The following PCDHGB7 variants were observed in gnomAD, a reference collection of about 807,000 sequenced individuals.
PCDHGB7 encodes protocadherin gamma subfamily B, 7.
Under a neutral mutation model 61.4 loss-of-function variants are expected in PCDHGB7, and 37 were observed. The ratio of observed to expected loss-of-function variants is 0.60; its 90% CI spans 0.46 to 0.79. PCDHGB7 has a LOEUF of 0.79. Ranked by LOEUF, PCDHGB7 falls within the 30% of genes least tolerant of loss-of-function variation. The pLI, the probability that PCDHGB7 is intolerant of heterozygous loss-of-function variation, is 0.00. For synonymous variants in PCDHGB7, 464 were observed against 503.5 expected, an observed-to-expected ratio of 0.92 and a Z score of 1.05; for missense variants, 1,166 against 1,202.5, an observed-to-expected ratio of 0.97 and a Z score of 0.45.
chr5:141,432,934 G>A lies in PCDHGB7; in HGVS notation c.2415+12660G>A. The stretch of plus-strand genomic sequence containing the variant: ...GGCGCTGGCACAAGTCACGCCTGCT[G>A]CAGGCTTCAGGAGGCGGCTTGACAG... On this transcript the variant is annotated intron_variant, in intron 1 of 3. Transcript: ENST00000398594. This position sits in a 1 kb window ranked among gnomAD's most constrained non-coding sequence, Gnocchi z 6.0. 1.9e-6 allele frequency: 3 copies of A among 1,614,196 alleles called. No individual in the cohort carries two copies. Among genetic ancestry groups the A allele is most frequent in the Non-Finnish European group, 2.5e-6 (3 of 1,180,040 alleles).
At chr5:141,502,404 C>A (rs1270930372) in intron 2 of PCDHGB7, among the ~76,000 whole-genome samples, 1 of 151,880 alleles carries the variant, frequency 6.6e-6, no homozygotes, top group Non-Finnish European at 1.5e-5. Flanking sequence ...TGTCCCCGAA[C>A]CTGGATTTGC....
At chr5:141,449,588 CAAAA>C (rs768743917) in intron 1 of PCDHGB7, among the ~76,000 whole-genome samples, 2 of 57,488 alleles carry the variant, frequency 3.5e-5, no homozygotes, top group Non-Finnish European at 3.7e-5. Flanking sequence ...GACTCTGTCT[CAAAA>C]AAAAAAAAAA....
At position 141,487,505 on chromosome 5, in the gene PCDHGB7, G is replaced by GTA; in HGVS notation, c.2416-7302_2416-7301insTA. The GTA allele has an allele frequency of 1.2e-6, 2 of 1,614,200 alleles. No homozygotes were observed. The highest frequency in any genetic ancestry group is 1.7e-6 in the Non-Finnish European group (2 of 1,180,032). ...TCATGGCTGTACACCCTTGGCTTCTGCACCCACTCGGAGTGATAGCTTCAT... is the reference window on the plus strand; with the variant it reads ...TCATGGCTGTACACCCTTGGCTTCTGTACACCCACTCGGAGTGATAGCTTCAT... On this transcript the variant is annotated intron_variant, in intron 1 of 3. Coordinates refer to ENST00000398594, the MANE Select transcript of PCDHGB7 (RefSeq NM_018927.4). This position sits in a 1 kb window ranked among gnomAD's most constrained non-coding sequence, Gnocchi z 5.0.
chr5:141,481,151 G>A (rs1326614212), intron 1 of PCDHGB7, among the ~76,000 whole-genome samples: 1 of 152,198 alleles, frequency 6.6e-6, no homozygotes, highest in African/African-American at 2.4e-5. Context: ...TGTTATTCTG[G>A]TATTTGCAGA....
chr5:141,503,912 AAC>A lies in PCDHGB7; in HGVS notation c.2475-1471_2475-1470del, dbSNP rs34419983. Among the ~76,000 whole-genome samples, 284 of 152,278 alleles carry A rather than the reference AAC, an allele frequency of 1.9e-3. 1 individual carries two copies. The highest frequency in any genetic ancestry group is 0.014 in the Middle Eastern group (4 of 292). Reference sequence around the variant, plus strand: ...GACAAAATATGCACACACACAACGCAACACACACACAGACATTTTCATGCCTT... The same window carrying A: ...GACAAAATATGCACACACACAACGCAACACACACAGACATTTTCATGCCTT... On this transcript the variant is annotated intron_variant, in intron 2 of 3. Coordinates refer to ENST00000398594, the MANE Select transcript of PCDHGB7 (RefSeq NM_018927.4).
At position 141,418,417 on chromosome 5, in the gene PCDHGB7, T is replaced by G; in HGVS notation, c.558T>G (p.Pro186=). 1 of 1,614,002 alleles carries G rather than the reference T, an allele frequency of 6.2e-7. No individual in the cohort carries two copies. The highest frequency in any genetic ancestry group is 8.5e-7 in the Non-Finnish European group (1 of 1,179,884). ...EYFSLVEKDN[P]DGGKYPELVL... ...TCTCATTGGTGGAGAAAGACAATCCTGATGGTGGCAAATATCCAGAATTAG... is the reference window on the plus strand; with the variant it reads ...TCTCATTGGTGGAGAAAGACAATCCGGATGGTGGCAAATATCCAGAATTAG... The change falls in exon 1 of 4, where the codon CCT becomes CCG. Residue 186 remains proline, a synonymous_variant. Coordinates refer to ENST00000398594, the MANE Select transcript of PCDHGB7 (RefSeq NM_018927.4).
rs61612330 is a variant in PCDHGB7, at chr5:141,454,796, A to ATTTTTTTTTTTT, written c.2415+34540_2415+34551dup. Among the ~76,000 whole-genome samples, 573 of 77,460 alleles carry ATTTTTTTTTTTT rather than the reference A, an allele frequency of 7.4e-3. 68 individuals carry two copies. Among genetic ancestry groups the ATTTTTTTTTTTT allele is most frequent in the Non-Finnish European group, 9.0e-3 (384 of 42,814 alleles). The allele number at this position is 77,460 out of a possible 152,430, so 50.8% of individuals were successfully genotyped here. A position where few individuals can be genotyped will look rare whatever the true frequency, so the allele number is the denominator to read the frequency against. On this transcript the variant is annotated intron_variant, in intron 1 of 3. Coordinates refer to ENST00000398594, the MANE Select transcript of PCDHGB7 (RefSeq NM_018927.4). ...AAGGAAATAATCCTCCATGGTTCTA[A>ATTTTTTTTTTTT]TTTTTTTTTTTTTTTTTTTTTTTTT...
At chr5:141,497,541 T>C (rs1157403777) in intron 2 of PCDHGB7, among the ~76,000 whole-genome samples, 9 of 89,564 alleles carry the variant, frequency 1.0e-4, no homozygotes, top group Non-Finnish European at 2.1e-4. Context: ...GCAACAAACC[T>C]TTTTTTTTTT....
chr5:141,417,826 A>T lies in PCDHGB7; in HGVS notation c.-34A>T. 1 of 1,519,618 alleles carries T rather than the reference A, an allele frequency of 6.6e-7. No homozygotes were observed. The allele number at this position is 1,519,618 out of a possible 1,614,324, so 94.1% of individuals were successfully genotyped here. A position where few individuals can be genotyped will look rare whatever the true frequency, so the allele number is the denominator to read the frequency against. Reference sequence around the variant, plus strand: ...GGTAGAGTGCACTTTCTCCAACTGGAAAAGCGGGGACCCAGCGAGAACCCG... The same window carrying T: ...GGTAGAGTGCACTTTCTCCAACTGGTAAAGCGGGGACCCAGCGAGAACCCG... On this transcript the variant is annotated 5_prime_UTR_variant, in exon 1 of 4. Coordinates refer to ENST00000398594, the MANE Select transcript of PCDHGB7 (RefSeq NM_018927.4).
At chr5:141,504,206 A>G (rs1209911822) in intron 2 of PCDHGB7, among the ~76,000 whole-genome samples, 1 of 152,218 alleles carries the variant, frequency 6.6e-6, no homozygotes, top group African/African-American at 2.4e-5. Flanking sequence ...CTGTGGGAAA[A>G]TTCCAAGTAG....
chr5:141,426,717 G>A (rs974405285), intron 1 of PCDHGB7: 1 of 446,052 alleles, frequency 2.2e-6, no homozygotes, highest in African/African-American at 2.0e-5. Flanking sequence ...CAATGAACTA[G>A]CAATTCCAGG....
chr5:141,483,779 A>G (rs1259583177), intron 1 of PCDHGB7, among the ~76,000 whole-genome samples: 2 of 152,146 alleles, frequency 1.3e-5, no homozygotes, highest in Non-Finnish European at 2.9e-5. Context: ...TTGGGGAAGG[A>G]TAAGAACTCC....
chr5:141,435,940 G>A (rs2097787697), intron 1 of PCDHGB7, among the ~76,000 whole-genome samples: 1 of 152,066 alleles, frequency 6.6e-6, no homozygotes, highest in Admixed American at 6.5e-5. Flanking sequence ...CTGCTTCTGA[G>A]ACCAAAAAAG....
At chr5:141,463,438 CTTTTTTTTTTTTT>C (rs71576115) in intron 1 of PCDHGB7, among the ~76,000 whole-genome samples, 4 of 103,254 alleles carry the variant, frequency 3.9e-5, no homozygotes, top group South Asian at 3.2e-4. Flanking sequence ...TTTCCTTCTC[CTTTTTTTTTTTTT>C]TTTTTTTTTT....
At chr5:141,459,814 T>C (rs757306281) in intron 1 of PCDHGB7, among the ~76,000 whole-genome samples, 1 of 152,256 alleles carries the variant, frequency 6.6e-6, no homozygotes, top group African/African-American at 2.4e-5. Flanking sequence ...CTAGAGACAC[T>C]GAGCAACTTT....
At chr5:141,475,090 A>G (rs991061660) in intron 1 of PCDHGB7, among the ~76,000 whole-genome samples, 1 of 152,264 alleles carries the variant, frequency 6.6e-6, no homozygotes, top group African/African-American at 2.4e-5. Flanking sequence ...CAATAATTTT[A>G]TAAAGATCCT....
rs1223789288 is a variant in PCDHGB7 at position 141,419,177 on chromosome 5, C to G, written c.1318C>G (p.Leu440Val). 3 of 1,613,980 alleles carry G rather than the reference C, an allele frequency of 1.9e-6. No individual in the cohort carries two copies. The highest frequency in any genetic ancestry group is 2.5e-6 in the Non-Finnish European group (3 of 1,179,904). ...PPLSSSKTIT[L>V]HITDVNDNAP... is the part of the protein sequence containing the mutation. ...GTTATCCTCCAGCAAAACCATAACCCTGCACATTACTGACGTCAATGACAA... is the reference window on the plus strand; with the variant it reads ...GTTATCCTCCAGCAAAACCATAACCGTGCACATTACTGACGTCAATGACAA... Residue 440 changes from leucine to valine, a missense_variant, in exon 1 of 4, where the codon CTG becomes GTG. Coordinates refer to ENST00000398594, the MANE Select transcript of PCDHGB7 (RefSeq NM_018927.4).
intron 3 of PCDHGB7, 59 bp from the exon 4 acceptor site, chr5:141,510,888 A>C (rs2099883233): frequency 6.2e-7 from 1 of 1,612,646 alleles, no homozygotes. Flanking sequence ...GGGATATAAG[A>C]CAGTGACTGT....
rs1455759096 is a variant in PCDHGB7, at chr5:141,489,539, C to T, written c.2416-5268C>T. 6.2e-7 allele frequency: 1 copy of T among 1,613,980 alleles called. No individual in the cohort carries two copies. Among genetic ancestry groups the T allele is most frequent in the African/African-American group, 1.3e-5 (1 of 74,912 alleles). On this transcript the variant is annotated intron_variant, in intron 1 of 3. Coordinates refer to ENST00000398594, the MANE Select transcript of PCDHGB7 (RefSeq NM_018927.4). This position sits in a 1 kb window ranked among gnomAD's most constrained non-coding sequence, Gnocchi z 4.5. Reference sequence around the variant, plus strand: ...CGAGAAAGCCTATGTGGAGCCAGCACCAGCTGCCTGCTGCCAGTGCAGGTG... The same window carrying T: ...CGAGAAAGCCTATGTGGAGCCAGCATCAGCTGCCTGCTGCCAGTGCAGGTG...
Sources: gnomAD v4.1 joint callset for allele counts (sites outside exome capture counted in the v4.1 genomes callset) on GRCh38, gnomAD v4.1.1 for gene constraint, Gnocchi (gnomAD v3.1) non-coding constraint, MANE v1.5 for transcripts, NCBI Gene and HGNC (gene_info 2026-07-23, HGNC 2026-07-21) for gene names.